SYN3: variants seen among roughly 807,000 people sequenced by gnomAD.
The protein encoded by SYN3 is synapsin III.
In SYN3, 35 loss-of-function variants were observed where a neutral mutation model predicts 65.8. The observed-to-expected ratio is 0.53, with a 90% confidence interval of 0.41 to 0.70. The LOEUF is 0.70. Among genes scored for constraint, SYN3 ranks in the 30% least tolerant of loss-of-function variants. The pLI, the probability that SYN3 is intolerant of heterozygous loss-of-function variation, is 0.00. For synonymous variants in SYN3, 270 were observed against 292.9 expected (o/e 0.92, Z 0.80); for missense variants, 680 against 749.0 (o/e 0.91, Z 1.08).
At chr22:32,794,676 T>C (rs2046390939) in intron 6 of SYN3, among the ~76,000 whole-genome samples, 1 of 152,156 alleles carries the variant, frequency 6.6e-6, no homozygotes, top group Non-Finnish European at 1.5e-5. Flanking sequence ...CAACAGAGTG[T>C]GCGAGGTGCC....
chr22:32,894,501 C>G (rs117479318), intron 4 of SYN3, among the ~76,000 whole-genome samples: 2 of 152,206 alleles, frequency 1.3e-5, no homozygotes, highest in Admixed American at 6.5e-5. Context: ...GAGGCCAACA[C>G]AGAAATCTGC....
At chr22:32,693,202 G>A (rs925026787) in intron 6 of SYN3, among the ~76,000 whole-genome samples, 3 of 152,150 alleles carry the variant, frequency 2.0e-5, no homozygotes, top group Non-Finnish European at 4.4e-5. Context: ...ATAATAATAT[G>A]TCAGTATCAC....
At chr22:32,545,213 T>C (rs745647244) in intron 7 of SYN3, among the ~76,000 whole-genome samples, 8 of 152,192 alleles carry the variant, frequency 5.3e-5, no homozygotes, top group Non-Finnish European at 1.2e-4. Flanking sequence ...AAGAAGTCCA[T>C]GGTCATGAAA....
At chr22:32,649,943 G>A (rs1000187161) in intron 6 of SYN3, among the ~76,000 whole-genome samples, 2 of 152,248 alleles carry the variant, frequency 1.3e-5, no homozygotes, top group Non-Finnish European at 2.9e-5. Context: ...TGGGGAAAAA[G>A]CCAGGAGAAA....
At chr22:32,524,297 G>A (rs2057939128) in intron 12 of SYN3, among the ~76,000 whole-genome samples, 1 of 152,216 alleles carries the variant, frequency 6.6e-6, no homozygotes, top group Non-Finnish European at 1.5e-5. Context: ...AGCTAAAGAG[G>A]AGAAGTCAAT....
intron 2 of SYN3, among the ~76,000 whole-genome samples, chr22:32,986,839 TTC>T (rs1393885411): frequency 1.3e-5 from 2 of 152,090 alleles, no homozygotes; most frequent in African/African-American, 4.8e-5. Context: ...TCCACGAAGA[TTC>T]TCTCTCCGTG....
intron 4 of SYN3, among the ~76,000 whole-genome samples, chr22:32,890,657 G>A (rs2049419551): frequency 6.6e-6 from 1 of 152,274 alleles, no homozygotes; most frequent in Non-Finnish European, 1.5e-5. Flanking sequence ...TGGGATTACA[G>A]GTGTGAGCCA....
At chr22:32,774,217 C>A (rs1032044214) in intron 6 of SYN3, among the ~76,000 whole-genome samples, 1 of 152,080 alleles carries the variant, frequency 6.6e-6, no homozygotes, top group Admixed American at 6.5e-5. Flanking sequence ...CACCCTTGGT[C>A]CCTGTAAATG....
intron 4 of SYN3, among the ~76,000 whole-genome samples, chr22:32,871,651 C>T (rs896543143): frequency 5.9e-5 from 9 of 152,068 alleles, no homozygotes; most frequent in African/African-American, 1.9e-4. Context: ...CTCTGTTGCT[C>T]AGGCTGGAGT....
intron 7 of SYN3, among the ~76,000 whole-genome samples, chr22:32,566,334 T>C (rs1468793898): frequency 6.6e-6 from 1 of 152,124 alleles, no homozygotes; most frequent in Non-Finnish European, 1.5e-5. Flanking sequence ...GGCTGATGGC[T>C]ACCAAACTGG....
At chr22:32,660,165 G>C (rs1370588844) in intron 6 of SYN3, among the ~76,000 whole-genome samples, 2 of 152,196 alleles carry the variant, frequency 1.3e-5, no homozygotes, top group African/African-American at 4.8e-5. Context: ...GAGGCATAGA[G>C]AAGATGAAGA....
Position 32,999,573 on chromosome 22 carries a change from C to G in SYN3, c.311+6779G>C, listed in dbSNP as rs571306737. On this transcript the variant is annotated intron_variant, in intron 2 of 13. Coordinates refer to ENST00000358763, the MANE Select transcript of SYN3 (RefSeq NM_003490.4). ...TGGCCTGTGCCTGCAATCCCAGACC[C>G]CCAGGAGGCTGGGGCATGAAAATCA... is the stretch of plus-strand genomic sequence containing the variant. Among the ~76,000 whole-genome samples the G allele has an allele frequency of 2.6e-5, 4 of 152,268 alleles. No individual in the cohort carries two copies. The East Asian group carries it at 7.7e-4, about 29-fold the overall frequency.
intron 4 of SYN3, among the ~76,000 whole-genome samples, chr22:32,897,763 G>A (rs986637162): frequency 1.3e-5 from 2 of 152,196 alleles, no homozygotes; most frequent in African/African-American, 4.8e-5. Flanking sequence ...TGTAGTGAGC[G>A]CATGATGAAT....
intron 6 of SYN3, among the ~76,000 whole-genome samples, chr22:32,741,677 C>T (rs913321203): frequency 3.9e-5 from 6 of 152,000 alleles, no homozygotes; most frequent in Non-Finnish European, 7.4e-5. Flanking sequence ...TTCTTAAACA[C>T]GATACCATAC....
At chr22:32,788,142 C>T (rs2145865236) in intron 6 of SYN3, among the ~76,000 whole-genome samples, 2 of 152,224 alleles carry the variant, frequency 1.3e-5, no homozygotes, top group African/African-American at 4.8e-5. Flanking sequence ...ATAATCCAGT[C>T]AGCCCTCTGT....
At chr22:32,816,567 A>T (rs577886840) in intron 6 of SYN3, among the ~76,000 whole-genome samples, 2 of 152,286 alleles carry the variant, frequency 1.3e-5, no homozygotes, top group East Asian at 3.9e-4. Flanking sequence ...TGTCAGGGAA[A>T]GACAAGTTCA....
In SYN3 at chr22:32,918,633, C is replaced by A. The variant is rs190110603; in HGVS notation, c.461+12757G>T. Among the ~76,000 whole-genome samples the A allele has an allele frequency of 1.8e-4, 27 of 152,326 alleles. No homozygotes were observed. In the East Asian group the frequency reaches 5.2e-3, roughly 29 times the overall value. ...CATAGTTGGGCCTAGAGAGTGCGGACAGCACGGTCTGGCAGGGTCTCCCTG... is the reference window on the plus strand; with the variant it reads ...CATAGTTGGGCCTAGAGAGTGCGGAAAGCACGGTCTGGCAGGGTCTCCCTG... On this transcript the variant is annotated intron_variant, in intron 4 of 13. Coordinates refer to ENST00000358763, the MANE Select transcript of SYN3 (RefSeq NM_003490.4).
chr22:32,565,192 C>T (rs1034926886), intron 7 of SYN3, among the ~76,000 whole-genome samples: 1 of 152,178 alleles, frequency 6.6e-6, no homozygotes, highest in South Asian at 2.1e-4. Context: ...AAACAGTGCT[C>T]TCGGACTGCA....
chr22:32,812,001 G>GGAGGAGGAGCACTGGCTGGAGT (rs2046928890), intron 6 of SYN3, among the ~76,000 whole-genome samples: 1 of 152,212 alleles, frequency 6.6e-6, no homozygotes, highest in Admixed American at 6.5e-5. Flanking sequence ...AGTGTGGCAT[G>GGAGGAGGAGCACTGGCTGGAGT]GAGGAGGAGC....
Sources: allele counts gnomAD v4.1 joint callset (sites outside exome capture counted in the v4.1 genomes callset), GRCh38; gene constraint gnomAD v4.1.1; transcripts MANE v1.5; gene names NCBI Gene and HGNC (gene_info 2026-07-23, HGNC 2026-07-21).